The following ACVR1 variants were observed in gnomAD, a reference collection of about 807,000 sequenced individuals.
ACVR1 encodes activin receptor type-1.
In ACVR1, 38 loss-of-function variants were observed where a neutral mutation model predicts 57.1. The ratio of observed to expected loss-of-function variants is 0.67; its 90% CI spans 0.51 to 0.87. ACVR1 has a LOEUF of 0.87. Ranked by LOEUF, ACVR1 falls within the 40% of genes least tolerant of loss-of-function variation. The pLI is 0.00. For synonymous variants in ACVR1, 212 were observed against 228.1 expected, an observed-to-expected ratio of 0.93 and a Z score of 0.63; for missense variants, 463 against 638.2, an observed-to-expected ratio of 0.73 and a Z score of 2.96.
intron 2 of ACVR1, among the ~76,000 whole-genome samples, chr2:157,813,407 T>C (rs754986065): frequency 1.3e-5 from 2 of 152,194 alleles, no homozygotes; most frequent in African/African-American, 2.4e-5. Context: ...TCCACTAAAA[T>C]CCCTTCTTTC....
intron 3 of ACVR1, among the ~76,000 whole-genome samples, chr2:157,794,844 A>G (rs1036741098): frequency 1.3e-5 from 2 of 152,142 alleles, no homozygotes; most frequent in African/African-American, 4.8e-5. Context: ...TTAGGATTCC[A>G]TAGAACTTGA....
intron 3 of ACVR1, among the ~76,000 whole-genome samples, chr2:157,798,074 G>T (rs1687184761): frequency 6.6e-6 from 1 of 152,072 alleles, no homozygotes; most frequent in Non-Finnish European, 1.5e-5. Flanking sequence ...TGGTATTTTT[G>T]TTGTAACATC....
At chr2:157,844,798 G>A (rs942801008) in intron 1 of ACVR1, among the ~76,000 whole-genome samples, 22 of 152,062 alleles carry the variant, frequency 1.4e-4, no homozygotes, top group African/African-American at 5.3e-4. Context: ...AAGAGGGGGG[G>A]AGCCTTTGGT....
intron 1 of ACVR1, among the ~76,000 whole-genome samples, chr2:157,856,894 C>A (rs1206851576): frequency 1.3e-5 from 2 of 152,146 alleles, no homozygotes; most frequent in African/African-American, 4.8e-5. Context: ...TTCTTTCAAT[C>A]CTGTTGAAAA....
intron 9 of ACVR1, among the ~76,000 whole-genome samples, chr2:157,753,577 T>A (rs1301925843): frequency 6.6e-6 from 1 of 152,036 alleles, no homozygotes; most frequent in Non-Finnish European, 1.5e-5. Flanking sequence ...CCTAAATATA[T>A]ATGCACCTAA....
intron 3 of ACVR1, among the ~76,000 whole-genome samples, chr2:157,787,663 G>C (rs1686761863): frequency 6.6e-6 from 1 of 152,316 alleles, no homozygotes; most frequent in Admixed American, 6.5e-5. Context: ...GCCACAGGAA[G>C]AATGGTTGAT....
chr2:157,768,219 A>G (rs59073449), intron 7 of ACVR1, among the ~76,000 whole-genome samples: 2,494 of 152,170 alleles, frequency 0.016, 61 homozygotes, highest in African/African-American at 0.057. Flanking sequence ...CCTGCTCCCC[A>G]GTCTGCTTTT....
chr2:157,855,865 G>A (rs1234103301), intron 1 of ACVR1, among the ~76,000 whole-genome samples: 1 of 151,996 alleles, frequency 6.6e-6, no homozygotes, highest in East Asian at 1.9e-4. Context: ...CCTCCCAAGA[G>A]GAACATGCTC....
intron 2 of ACVR1, among the ~76,000 whole-genome samples, chr2:157,801,292 T>C (rs566695840): frequency 6.4e-4 from 97 of 152,322 alleles, no homozygotes; most frequent in Non-Finnish European, 1.1e-3. Context: ...AGTACAACCA[T>C]GTACTTGTAG....
chr2:157,791,416 C>T (rs983160884), intron 3 of ACVR1, among the ~76,000 whole-genome samples: 1 of 152,178 alleles, frequency 6.6e-6, no homozygotes, highest in Non-Finnish European at 1.5e-5. Context: ...ATTATTCTAG[C>T]CAACATTATT....
chr2:157,851,112 G>A (rs997822300), intron 1 of ACVR1, among the ~76,000 whole-genome samples: 2 of 152,100 alleles, frequency 1.3e-5, no homozygotes, highest in Non-Finnish European at 2.9e-5. Flanking sequence ...TAAAATGATA[G>A]AAATGGAATC....
Position 157,746,710 on chromosome 2 carries a change from T to C in ACVR1, c.1265-8140A>G, listed in dbSNP as rs1422427171. ...GAATCTGTGTCTTCAGTACTCTAGG[T>C]GACTGTGATGCACATTCCAGTTTAA... On this transcript the variant is annotated intron_variant, in intron 9 of 10. Coordinates refer to ENST00000434821, the MANE Select transcript of ACVR1 (RefSeq NM_001111067.4). Among the ~76,000 whole-genome samples the C allele has an allele frequency of 2.0e-5, 3 of 152,276 alleles. No individual in the cohort carries two copies. The East Asian group carries it at 5.8e-4, about 29-fold the overall frequency.
intron 9 of ACVR1, among the ~76,000 whole-genome samples, chr2:157,755,342 A>G (rs1455624818): frequency 6.6e-6 from 1 of 151,990 alleles, no homozygotes; most frequent in Non-Finnish European, 1.5e-5. Flanking sequence ...CTGATGATAT[A>G]ACCGTATACC....
At chr2:157,844,978 T>C (rs936084504) in intron 1 of ACVR1, among the ~76,000 whole-genome samples, 1 of 152,228 alleles carries the variant, frequency 6.6e-6, no homozygotes, top group Non-Finnish European at 1.5e-5. Context: ...TCCAGAACTG[T>C]AAGCAATAAG....
chr2:157,865,771 G>A (rs72925246), intron 1 of ACVR1, among the ~76,000 whole-genome samples: 10,731 of 143,502 alleles, frequency 0.075, 496 homozygotes, highest in African/African-American at 0.13. Flanking sequence ...CTCCAGCCCG[G>A]GCAAAAAGAG....
intron 2 of ACVR1, among the ~76,000 whole-genome samples, chr2:157,802,840 T>C (rs1161174619): frequency 6.6e-6 from 1 of 152,204 alleles, no homozygotes; most frequent in Non-Finnish European, 1.5e-5. Flanking sequence ...GGAAAATCTA[T>C]AGTCTATCTT....
At chr2:157,844,984 ATAAG>A (rs1689086483) in intron 1 of ACVR1, among the ~76,000 whole-genome samples, 1 of 152,232 alleles carries the variant, frequency 6.6e-6, no homozygotes, top group South Asian at 2.1e-4. Context: ...ACTGTAAGCA[ATAAG>A]TGTCTATTGT....
intron 9 of ACVR1, among the ~76,000 whole-genome samples, chr2:157,760,099 C>G (rs550638955): frequency 6.6e-6 from 1 of 152,204 alleles, no homozygotes; most frequent in Non-Finnish European, 1.5e-5. Flanking sequence ...CTAGGCAGAG[C>G]AATCAAGCAA....
intron 3 of ACVR1, among the ~76,000 whole-genome samples, chr2:157,783,150 C>T (rs1250612166): frequency 6.6e-6 from 1 of 152,168 alleles, no homozygotes; most frequent in Non-Finnish European, 1.5e-5. Context: ...TAAGGACACC[C>T]ATGCTTGTAA....
Sources: gnomAD v4.1 joint callset for allele counts (sites outside exome capture counted in the v4.1 genomes callset) on GRCh38, gnomAD v4.1.1 for gene constraint, MANE v1.5 for transcripts, NCBI Gene and HGNC (gene_info 2026-07-23, HGNC 2026-07-21) for gene names.